Variants in RAPH1 observed in about 807,000 individuals in gnomAD.
RAPH1 encodes ras-associated and pleckstrin homology domains-containing protein 1.
In RAPH1, 18 loss-of-function variants were observed where a neutral mutation model predicts 88.1. The observed-to-expected ratio is 0.20, with a 90% CI of 0.14 to 0.30. RAPH1 has a LOEUF of 0.30. Among genes scored for constraint, RAPH1 ranks in the 10% least tolerant of loss-of-function variants. The pLI is 1.00. For synonymous variants in RAPH1, 587 were observed against 559.0 expected (o/e 1.05, Z -0.71); for missense variants, 1,448 against 1,543.2 (o/e 0.94, Z 1.03).
intron 4 of RAPH1, among the ~76,000 whole-genome samples, chr2:203,465,964 T>C (rs2153644433): frequency 6.6e-6 from 1 of 152,206 alleles, no homozygotes; most frequent in Non-Finnish European, 1.5e-5. Context: ...ACCAATTAGA[T>C]TTCCTAACTG....
At chr2:203,518,233 A>C (rs964877502) in intron 1 of RAPH1, among the ~76,000 whole-genome samples, 10 of 152,210 alleles carry the variant, frequency 6.6e-5, no homozygotes, top group African/African-American at 2.4e-4. Flanking sequence ...GAATACTATA[A>C]GGCTGGGCAC....
At chr2:203,467,693 G>C (rs1378202293) in intron 4 of RAPH1, among the ~76,000 whole-genome samples, 6 of 152,146 alleles carry the variant, frequency 3.9e-5, no homozygotes, top group Non-Finnish European at 8.8e-5. Flanking sequence ...TGTACGTGCA[G>C]GTTTTGGTAT....
rs766747164 is a variant in RAPH1, at chr2:203,439,477, G to C, written c.3713C>G (p.Pro1238Arg). 2.5e-6 allele frequency: 4 copies of C among 1,613,962 alleles called. No homozygotes were observed. The highest frequency in any genetic ancestry group is 1.1e-5 in the South Asian group (1 of 91,074). The change falls in exon 14 of 14, where the codon CCC (proline) becomes CGC (arginine). Residue 1238 changes from proline to arginine, a missense_variant. Physicochemically the swap from Pro to Arg is moderately radical, Grantham distance 103. Coordinates refer to ENST00000319170, the MANE Select transcript of RAPH1 (RefSeq NM_213589.3). ...GAGCTTGGTGTTCTGGTCTCTTTTG[G>C]GGGGAGCAGGAGGGGGTCCTCTCCG... ...TLRRGPPPAPPKRDQNTKLSR... is the reference protein window; with the variant it reads ...TLRRGPPPAPRKRDQNTKLSR...
At chr2:203,460,711 T>C (rs970050333) in intron 6 of RAPH1, among the ~76,000 whole-genome samples, 5 of 152,068 alleles carry the variant, frequency 3.3e-5, no homozygotes, top group Non-Finnish European at 7.4e-5. Flanking sequence ...TTAGCCATTA[T>C]AAAATCTGAA....
chr2:203,457,395 A>C, intron 8 of RAPH1, 135 bp downstream of exon 8: 1 of 752,490 alleles, frequency 1.3e-6, no homozygotes, highest in Non-Finnish European at 2.3e-6. Flanking sequence ...CATCTTGGGC[A>C]GGCTGGTCTT....
Position 203,502,819 on chromosome 2 carries a change from C to CA in RAPH1, c.1-7467dup, listed in dbSNP as rs745644429. Among the ~76,000 whole-genome samples the CA allele has an allele frequency of 3.7e-3, 358 of 97,554 alleles. 2 individuals are homozygous for CA. The highest frequency in any genetic ancestry group is 8.6e-3 in the Middle Eastern group (1 of 116). The allele number at this position is 97,554 out of a possible 152,430, so 64.0% of individuals were successfully genotyped here. ...TAGGCAACAGAGTGAGACTCCGTCC[C>CA]AAAAAAAAAAAAAAAGAATTCCTTT... is the stretch of plus-strand genomic sequence containing the variant. On this transcript the variant is annotated intron_variant, in intron 1 of 13. Coordinates refer to ENST00000319170, the MANE Select transcript of RAPH1 (RefSeq NM_213589.3).
At chr2:203,519,343 T>C (rs997521736) in intron 1 of RAPH1, among the ~76,000 whole-genome samples, 95 of 152,294 alleles carry the variant, frequency 6.2e-4, no homozygotes, top group African/African-American at 2.2e-3. Context: ...AGCTTAACAT[T>C]TGAAAATCAA....
At chr2:203,453,925 C>A (rs913743598) in intron 10 of RAPH1, among the ~76,000 whole-genome samples, 3 of 151,880 alleles carry the variant, frequency 2.0e-5, no homozygotes, top group African/African-American at 7.3e-5. Context: ...AAAAAAAAAC[C>A]TCCCTAAAAA....
At chr2:203,449,887 G>A (rs2098513287) in intron 10 of RAPH1, among the ~76,000 whole-genome samples, 1 of 152,066 alleles carries the variant, frequency 6.6e-6, no homozygotes, top group Non-Finnish European at 1.5e-5. Flanking sequence ...GTTGGACGTG[G>A]TGGTGCATGC....
Position 203,439,128 on chromosome 2 carries a change from C to T in RAPH1, c.*309G>A. 1 of 278,690 alleles carries T rather than the reference C, an allele frequency of 3.6e-6. No individual in the cohort carries two copies. The highest frequency in any genetic ancestry group is 6.3e-5 in the East Asian group (1 of 15,786). The allele number at this position is 278,690 out of a possible 1,614,324, so 17.3% of individuals were successfully genotyped here. A position where few individuals can be genotyped will look rare whatever the true frequency, so the allele number is the denominator to read the frequency against. On this transcript the variant is annotated 3_prime_UTR_variant, in exon 14 of 14. Transcript: ENST00000319170. ...TATAGAAATCTTAAGAGACAACACA[C>T]ATCCCCTTCTATGCCTCTTCCACCC...
rs2098517531 is a variant in RAPH1, at chr2:203,454,467, T to G, written c.1376A>C (p.Lys459Thr). The change falls in exon 10 of 14, where the codon AAA (lysine) becomes ACA (threonine). Residue 459 changes from lysine to threonine, a missense_variant. By Grantham distance (78) the Lys-to-Thr change is moderately conservative. Coordinates refer to ENST00000319170, the MANE Select transcript of RAPH1 (RefSeq NM_213589.3). ...ACAATAGTCTGTAGGTGCTTTGTAT[T>G]TGTTCCGATAGTCCTGGCCATAATA... The part of the protein sequence containing the change: ...NVYYGQDYRN[K>T]YKAPTDYCLV... The G allele has an allele frequency of 6.2e-7, 1 of 1,613,568 alleles. No homozygotes were observed.
rs370864491 is a variant in RAPH1 at position 203,494,741 on chromosome 2, G to A, written c.120+493C>T. On this transcript the variant is annotated intron_variant, in intron 2 of 13. Coordinates refer to ENST00000319170, the MANE Select transcript of RAPH1 (RefSeq NM_213589.3). Reference sequence around the variant, plus strand: ...GGAGAATGGCGTGAACCCCGGAGACGGAGCTTGCGGTGAGCCAAGATTGCG... The same window carrying A: ...GGAGAATGGCGTGAACCCCGGAGACAGAGCTTGCGGTGAGCCAAGATTGCG... Among the ~76,000 whole-genome samples the A allele has an allele frequency of 1.7e-4, 25 of 151,158 alleles. No homozygotes were observed. In the East Asian group the frequency reaches 4.3e-3, roughly 26 times the overall value.
In RAPH1 at chr2:203,441,270, G is replaced by C. The variant is rs200381199; in HGVS notation, c.1920C>G (p.Pro640=). Reference sequence around the variant, plus strand: ...GTGGGGGAGGAGGGGGTGGTGGAGGGGGTGGTGGAGGAGGAGGTGGGGGTG... The same window carrying C: ...GTGGGGGAGGAGGGGGTGGTGGAGGCGGTGGTGGAGGAGGAGGTGGGGGTG... ...PPPPPPPPPP[P]PPPPPPPPLP... Residue 640 remains proline (P), a synonymous_variant, in exon 14 of 14, where the codon CCC becomes CCG. Transcript: ENST00000319170. The C allele has an allele frequency of 7.4e-7, 1 of 1,348,366 alleles. No homozygotes were observed. Among genetic ancestry groups the C allele is most frequent in the South Asian group, 1.4e-5 (1 of 70,550 alleles). 83.5% of individuals were successfully genotyped at this position (1,348,366 alleles called of 1,614,324 possible). A position where few individuals can be genotyped will look rare whatever the true frequency, so the allele number is the denominator to read the frequency against.
intron 1 of RAPH1, among the ~76,000 whole-genome samples, chr2:203,501,292 A>C (rs1688729293): frequency 6.6e-6 from 1 of 152,238 alleles, no homozygotes; most frequent in Admixed American, 6.5e-5. Context: ...AGATAACTGT[A>C]GGGGATTAAT....
intron 4 of RAPH1, among the ~76,000 whole-genome samples, chr2:203,471,449 T>A (rs926067036): frequency 6.6e-6 from 1 of 152,102 alleles, no homozygotes; most frequent in Non-Finnish European, 1.5e-5. Flanking sequence ...CCGTTTCTAC[T>A]AAAAATACAA....
intron 2 of RAPH1, among the ~76,000 whole-genome samples, chr2:203,494,945 TAA>T (rs891562508): frequency 3.3e-5 from 5 of 152,190 alleles, no homozygotes; most frequent in African/African-American, 1.2e-4. Context: ...TTTCAGGCTT[TAA>T]AAGTTTTTAG....
At chr2:203,503,103 C>T (rs760856536) in intron 1 of RAPH1, among the ~76,000 whole-genome samples, 80 of 152,132 alleles carry the variant, frequency 5.3e-4, no homozygotes, top group Non-Finnish European at 9.0e-4. Flanking sequence ...AAGATCCCGC[C>T]ATTGCATTCC....
intron 1 of RAPH1, among the ~76,000 whole-genome samples, chr2:203,524,254 T>G (rs957714498): frequency 7.2e-5 from 11 of 152,076 alleles, no homozygotes; most frequent in African/African-American, 2.2e-4. Context: ...ACATACCCAT[T>G]AAAATGGCTA....
At chr2:203,451,635 A>G (rs2098514999) in intron 10 of RAPH1, among the ~76,000 whole-genome samples, 1 of 152,210 alleles carries the variant, frequency 6.6e-6, no homozygotes, top group African/African-American at 2.4e-5. Context: ...GAGAACATAT[A>G]ATGAAATTGC....
Sources: allele counts gnomAD v4.1 joint callset (sites outside exome capture counted in the v4.1 genomes callset), GRCh38; gene constraint gnomAD v4.1.1; transcripts MANE v1.5; gene names NCBI Gene and HGNC (gene_info 2026-07-23, HGNC 2026-07-21).